INTS7: variants seen among roughly 807,000 people sequenced by gnomAD.
The protein encoded by INTS7 is chromosome 1 open reading frame 73.
INTS7 carries 46 observed loss-of-function variants against 109.2 expected under a neutral mutation model. That is an observed-to-expected ratio of 0.42 (90% CI 0.33 to 0.54). INTS7 has a LOEUF of 0.54. Among genes scored for constraint, INTS7 ranks in the 20% least tolerant of loss-of-function variants. INTS7 has a pLI of 0.07. For missense variants in INTS7, 929 were observed against 1,132.4 expected (o/e 0.82, Z 2.58); for synonymous variants, 412 against 402.9 (o/e 1.02, Z -0.27).
At chr1:211,981,573 A>C (rs1325037927) in intron 9 of INTS7, among the ~76,000 whole-genome samples, 1 of 152,188 alleles carries the variant, frequency 6.6e-6, no homozygotes, top group Non-Finnish European at 1.5e-5. Flanking sequence ...ATGCAGGTCC[A>C]TTTTTACCTA....
At chr1:212,007,764 T>TACACATATA (rs1191957847) in intron 5 of INTS7, among the ~76,000 whole-genome samples, 6 of 152,198 alleles carry the variant, frequency 3.9e-5, no homozygotes, top group Admixed American at 6.5e-5. Context: ...AAATTATACA[T>TACACATATA]ACACATATAC....
chr1:211,976,871 A>C, intron 11 of INTS7, 152 bp from the exon 12 acceptor site: 5 of 691,660 alleles, frequency 7.2e-6, no homozygotes, highest in Non-Finnish European at 9.7e-6. Flanking sequence ...TTTATTTTGA[A>C]GTCATTAATT....
chr1:212,018,046 C>T (rs781175794), intron 3 of INTS7, among the ~76,000 whole-genome samples: 21 of 152,162 alleles, frequency 1.4e-4, no homozygotes, highest in Non-Finnish European at 3.1e-4. Context: ...TAATTTTTCT[C>T]TTCCTACTTG....
At chr1:212,031,177 T>A (rs1667144853) in intron 1 of INTS7, among the ~76,000 whole-genome samples, 1 of 152,146 alleles carries the variant, frequency 6.6e-6, no homozygotes, top group Non-Finnish European at 1.5e-5. Context: ...CTTTCCAAGG[T>A]CAACATTGCA....
chr1:211,983,697 G>T (rs750475689), intron 8 of INTS7, among the ~76,000 whole-genome samples: 77 of 152,256 alleles, frequency 5.1e-4, no homozygotes, highest in Non-Finnish European at 4.4e-4. Context: ...CGTATTTTTT[G>T]AGGCTGAAAG....
At chr1:212,035,025 T>C (rs1210402359) in intron 1 of INTS7, among the ~76,000 whole-genome samples, 3 of 152,232 alleles carry the variant, frequency 2.0e-5, no homozygotes, top group Non-Finnish European at 4.4e-5. Context: ...AATTTCACAA[T>C]TTCTTTGCAG....
chr1:212,019,889 A>C (rs1666616274), intron 3 of INTS7, among the ~76,000 whole-genome samples: 1 of 152,216 alleles, frequency 6.6e-6, no homozygotes, highest in Non-Finnish European at 1.5e-5. Context: ...CTACATAGAG[A>C]TGCATTTCAA....
chr1:212,032,177 T>C (rs531502504), intron 1 of INTS7, among the ~76,000 whole-genome samples: 2 of 151,806 alleles, frequency 1.3e-5, no homozygotes, highest in Non-Finnish European at 2.9e-5. Flanking sequence ...GGCTCTACTT[T>C]GAAAGTATAT....
chr1:211,976,758 A>G (rs754371034), intron 11 of INTS7, 39 bp from the exon 12 acceptor site: 4 of 1,608,128 alleles, frequency 2.5e-6, no homozygotes, highest in Non-Finnish European at 3.4e-6. Flanking sequence ...AAATCATTTA[A>G]TTTTATTCAG....
intron 11 of INTS7, among the ~76,000 whole-genome samples, chr1:211,977,522 G>T (rs1248911046): frequency 6.6e-6 from 1 of 152,188 alleles, no homozygotes; most frequent in Non-Finnish European, 1.5e-5. Flanking sequence ...ATGGGATGGG[G>T]TCAATCTTTT....
intron 7 of INTS7, among the ~76,000 whole-genome samples, chr1:212,001,891 T>C (rs963695360): frequency 4.6e-5 from 7 of 152,020 alleles, no homozygotes; most frequent in South Asian, 2.1e-4. Context: ...TCTAGCCATA[T>C]TGTCTCCCTA....
At chr1:212,006,094 A>G (rs1665898227) in intron 7 of INTS7, among the ~76,000 whole-genome samples, 1 of 152,184 alleles carries the variant, frequency 6.6e-6, no homozygotes. Flanking sequence ...TTCTATTTTG[A>G]GAAAAAAATA....
chr1:211,979,413 C>T (rs772096279), intron 10 of INTS7, among the ~76,000 whole-genome samples: 6 of 152,164 alleles, frequency 3.9e-5, no homozygotes, highest in Admixed American at 1.3e-4. Flanking sequence ...ACTTCTCTCT[C>T]TCGGCCTTAA....
rs1033424580 is a variant in INTS7 at position 211,985,175 on chromosome 1, C to A, written c.998-2365G>T. The stretch of plus-strand genomic sequence containing the variant: ...AATGACTGCTTACCCACACCCTTGT[C>A]AACACACCATGTTTATCAAACTTCT... On this transcript the variant is annotated intron_variant, in intron 8 of 19. Coordinates refer to ENST00000366994, the MANE Select transcript of INTS7 (RefSeq NM_015434.4). Among the ~76,000 whole-genome samples, 3 of 152,142 alleles carry A rather than the reference C, an allele frequency of 2.0e-5. No homozygotes were observed. The East Asian group carries it at 5.8e-4, about 29-fold the overall frequency.
At chr1:211,961,264 C>T in intron 16 of INTS7, among the ~76,000 whole-genome samples, 1 of 151,520 alleles carries the variant, frequency 6.6e-6, no homozygotes, top group East Asian at 1.9e-4. Flanking sequence ...CAAGGTCATC[C>T]TCGAGACATA....
Position 211,959,625 on chromosome 1 carries a change from G to A in INTS7, c.2183+6805C>T, listed in dbSNP as rs1482005008. ...TCACCTTGCCCTGCCACTGCTGCTG[G>A]TGCATTCTGCCCCCATTACCCCCGC... is the stretch of plus-strand genomic sequence containing the variant. On this transcript the variant is annotated intron_variant, in intron 16 of 19. Transcript: ENST00000366994. This position sits in a 1 kb window ranked among gnomAD's most constrained non-coding sequence, Gnocchi z 4.2. 6.6e-6 allele frequency among the ~76,000 whole-genome samples: 1 copy of A among 151,988 alleles called. No homozygotes were observed. Among genetic ancestry groups the A allele is most frequent in the Non-Finnish European group, 1.5e-5 (1 of 68,016 alleles).
intron 7 of INTS7, among the ~76,000 whole-genome samples, chr1:211,998,929 C>T (rs1004360626): frequency 3.9e-5 from 6 of 152,070 alleles, no homozygotes; most frequent in Admixed American, 1.3e-4. Context: ...ATTAGGAAAG[C>T]GCAAAATAAA....
rs866978725 is a variant in INTS7, at chr1:211,981,020, T to G, written c.1230+73A>C. ...CTTCTAAGAGTACAGGAGCTATGTC[T>G]GCTTAACTTTGCTTTCTATTGCCTA... On this transcript the variant is annotated intron_variant, in intron 10 of 19. Transcript: ENST00000366994. 7.5e-6 allele frequency: 6 copies of G among 797,638 alleles called. No homozygotes were observed. In the Middle Eastern group the frequency reaches 1.6e-3, roughly 215 times the overall value. The allele number at this position is 797,638 out of a possible 1,614,324, so 49.4% of individuals were successfully genotyped here.
chr1:211,981,045 A>G lies in INTS7; in HGVS notation c.1230+48T>C, dbSNP rs73091074. On this transcript the variant is annotated intron_variant, in intron 10 of 19. Transcript: ENST00000366994. Reference sequence around the variant, plus strand: ...TGCTTAACTTTGCTTTCTATTGCCTAAGACCATCATATATATCTATTACAA... The same window carrying G: ...TGCTTAACTTTGCTTTCTATTGCCTGAGACCATCATATATATCTATTACAA... 3.7e-3 allele frequency: 4,448 copies of G among 1,194,316 alleles called. 104 individuals carry two copies. The African/African-American group carries it at 0.056, about 15-fold the overall frequency. 74.0% of individuals were successfully genotyped at this position (1,194,316 alleles called of 1,614,324 possible). A position where few individuals can be genotyped will look rare whatever the true frequency, so the allele number is the denominator to read the frequency against.
Sources: allele counts gnomAD v4.1 joint callset (sites outside exome capture counted in the v4.1 genomes callset), GRCh38; gene constraint gnomAD v4.1.1; non-coding constraint Gnocchi (gnomAD v3.1); transcripts MANE v1.5; gene names NCBI Gene and HGNC (gene_info 2026-07-23, HGNC 2026-07-21).